Variants in XYLT1 observed in about 807,000 individuals in gnomAD.
The protein encoded by XYLT1 is xylosyltransferase 1.
In XYLT1, 36 loss-of-function variants were observed where a neutral mutation model predicts 91.3. That is an observed-to-expected ratio of 0.39 (90% confidence interval 0.30 to 0.52). The LOEUF is 0.52. Ranked by LOEUF, XYLT1 falls within the 20% of genes least tolerant of loss-of-function variation. The probability of loss-of-function intolerance (pLI) is 0.68; values close to 1 mark genes in which losing one functional copy is unlikely to be tolerated. For missense variants in XYLT1, 1,242 were observed against 1,284.5 expected (o/e 0.97, Z 0.51); for synonymous variants, 588 against 532.0 (o/e 1.11, Z -1.45).
At chr16:17,379,759 T>A (rs1339580816) in intron 1 of XYLT1, among the ~76,000 whole-genome samples, 34,521 of 112,602 alleles carry the variant, frequency 0.31, 4,800 homozygotes, top group Middle Eastern at 0.36. Context: ...TCTCTCTCTC[T>A]CTCTCACACA....
At chr16:17,397,605 C>T (rs1357608139) in intron 1 of XYLT1, among the ~76,000 whole-genome samples, 1 of 152,064 alleles carries the variant, frequency 6.6e-6, no homozygotes, top group East Asian at 1.9e-4. Flanking sequence ...GCCTCTCACA[C>T]ATATTCTTGG....
chr16:17,295,629 T>C (rs1261774956), intron 2 of XYLT1, among the ~76,000 whole-genome samples: 1 of 152,182 alleles, frequency 6.6e-6, no homozygotes. Context: ...GTCCTGGGAT[T>C]ATAGGCGTGA....
chr16:17,153,247 C>A (rs1485842339), intron 6 of XYLT1, among the ~76,000 whole-genome samples: 1 of 152,134 alleles, frequency 6.6e-6, no homozygotes, highest in Non-Finnish European at 1.5e-5. Flanking sequence ...TCCCATCTTA[C>A]AGATGAGAAA....
chr16:17,239,991 A>C (rs945394471), intron 3 of XYLT1, among the ~76,000 whole-genome samples: 7 of 152,356 alleles, frequency 4.6e-5, no homozygotes, highest in Admixed American at 3.3e-4. Context: ...AGTGAAAAAA[A>C]ATATTTAGAA....
At chr16:17,280,430 C>CT in intron 2 of XYLT1, among the ~76,000 whole-genome samples, 1 of 152,170 alleles carries the variant, frequency 6.6e-6, no homozygotes, top group Admixed American at 6.5e-5. Context: ...CTGAAACATA[C>CT]TTCAATATTT....
intron 3 of XYLT1, among the ~76,000 whole-genome samples, chr16:17,228,156 G>C (rs967311767): frequency 2.0e-5 from 3 of 152,158 alleles, no homozygotes; most frequent in African/African-American, 4.8e-5. Flanking sequence ...GAGCTACAGT[G>C]ACCCTGCTTC....
chr16:17,376,704 G>C (rs1004771681), intron 1 of XYLT1, among the ~76,000 whole-genome samples: 2 of 151,992 alleles, frequency 1.3e-5, no homozygotes, highest in Admixed American at 6.6e-5. Context: ...GCTTGCACCT[G>C]TAATCCCAGC....
chr16:17,200,658 G>A lies in XYLT1; in HGVS notation c.914-4C>T. On this transcript the variant is annotated splice_region_variant and splice_polypyrimidine_tract_variant and intron_variant, in intron 3 of 11. Coordinates refer to ENST00000261381, the MANE Select transcript of XYLT1 (RefSeq NM_022166.4). Reference sequence around the variant, plus strand: ...TGCACGTTCTTGTTGGCTTTACCTGGGGAAAATCCAAGAGAACAGAGAGGA... The same window carrying A: ...TGCACGTTCTTGTTGGCTTTACCTGAGGAAAATCCAAGAGAACAGAGAGGA... The A allele has an allele frequency of 1.2e-6, 2 of 1,611,590 alleles. No homozygotes were observed. The highest frequency in any genetic ancestry group is 2.2e-5 in the East Asian group (1 of 44,816).
chr16:17,118,052 C>G, intron 10 of XYLT1, 73 bp from the exon 11 acceptor site: 1 of 1,471,032 alleles, frequency 6.8e-7, no homozygotes, highest in South Asian at 1.3e-5. Context: ...GGTCTAGGAT[C>G]CCCTTTGTTA....
chr16:17,355,567 C>T (rs141121716), intron 2 of XYLT1, among the ~76,000 whole-genome samples: 3 of 152,212 alleles, frequency 2.0e-5, no homozygotes, highest in East Asian at 3.9e-4. Context: ...TCAGAGGGTG[C>T]GTACAGGAAC....
At chr16:17,263,998 C>T (rs551428536) in intron 2 of XYLT1, among the ~76,000 whole-genome samples, 1 of 152,108 alleles carries the variant, frequency 6.6e-6, no homozygotes, top group Non-Finnish European at 1.5e-5. Context: ...GATAATAACA[C>T]TTAACATGAG....
chr16:17,240,601 T>G (rs761041041), intron 3 of XYLT1, among the ~76,000 whole-genome samples: 132 of 152,230 alleles, frequency 8.7e-4, no homozygotes, highest in Non-Finnish European at 1.3e-3. Flanking sequence ...TTGCTGCTGG[T>G]TGAAATGTGA....
chr16:17,199,655 C>G (rs8054558), intron 4 of XYLT1, among the ~76,000 whole-genome samples: 17,862 of 152,164 alleles, frequency 0.12, 1,150 homozygotes, highest in South Asian at 0.17. Flanking sequence ...CTCATGAGAT[C>G]TGATGGTTTT....
Position 17,104,672 on chromosome 16 carries a change from C to T in XYLT1, c.*4023G>A, listed in dbSNP as rs1015888926. Reference sequence around the variant, plus strand: ...AACAAAAACAAACAAACAAACAACCCGACGTTGAAAAATCAGATTTTTTCC... The same window carrying T: ...AACAAAAACAAACAAACAAACAACCTGACGTTGAAAAATCAGATTTTTTCC... On this transcript the variant is annotated 3_prime_UTR_variant, in exon 12 of 12. Transcript: ENST00000261381. The T allele has an allele frequency of 3.3e-5, 5 of 152,114 alleles. No homozygotes were observed. Among genetic ancestry groups the T allele is most frequent in the African/African-American group, 1.2e-4 (5 of 41,396 alleles). 9.4% of individuals were successfully genotyped at this position (152,114 alleles called of 1,614,324 possible). A position where few individuals can be genotyped will look rare whatever the true frequency, so the allele number is the denominator to read the frequency against.
At position 17,347,811 on chromosome 16, in the gene XYLT1, T is replaced by C. The variant is rs552520058; in HGVS notation, c.402+10201A>G. 3.3e-5 allele frequency among the ~76,000 whole-genome samples: 5 copies of C among 152,286 alleles called. No individual in the cohort carries two copies. The East Asian group carries it at 7.7e-4, about 24-fold the overall frequency. On this transcript the variant is annotated intron_variant, in intron 2 of 11. Coordinates refer to ENST00000261381, the MANE Select transcript of XYLT1 (RefSeq NM_022166.4). ...GAAGAGACTGTACAAAGAGATTCTTTATAAGGAAAACTAACAAGGGAGGTG... is the reference window on the plus strand; with the variant it reads ...GAAGAGACTGTACAAAGAGATTCTTCATAAGGAAAACTAACAAGGGAGGTG...
intron 1 of XYLT1, among the ~76,000 whole-genome samples, chr16:17,399,765 C>T (rs2035940520): frequency 6.6e-6 from 1 of 152,160 alleles, no homozygotes; most frequent in South Asian, 2.1e-4. Flanking sequence ...GCACCCCTGT[C>T]CTCCGGCCCT....
chr16:17,236,815 T>C (rs1233192387), intron 3 of XYLT1, among the ~76,000 whole-genome samples: 2 of 152,172 alleles, frequency 1.3e-5, no homozygotes, highest in Admixed American at 6.5e-5. Context: ...GGTCTGAACG[T>C]CCTCTTTTTA....
chr16:17,461,024 G>C (rs1016343451), intron 1 of XYLT1, among the ~76,000 whole-genome samples: 3 of 152,142 alleles, frequency 2.0e-5, no homozygotes, highest in Non-Finnish European at 4.4e-5. Context: ...GCTCCAGAGA[G>C]GCAAAGTGCC....
At chr16:17,133,820 T>C (rs1165737428) in intron 9 of XYLT1, among the ~76,000 whole-genome samples, 1 of 152,240 alleles carries the variant, frequency 6.6e-6, no homozygotes, top group African/African-American at 2.4e-5. Context: ...TAGTGGTAGA[T>C]GAGACAATTG....
Sources: allele counts gnomAD v4.1 joint callset (sites outside exome capture counted in the v4.1 genomes callset), GRCh38; gene constraint gnomAD v4.1.1; transcripts MANE v1.5; gene names NCBI Gene and HGNC (gene_info 2026-07-23, HGNC 2026-07-21).